The following GABBR2 variants were observed in gnomAD, a reference collection of about 807,000 sequenced individuals.
The protein encoded by GABBR2 is gamma-aminobutyric acid type B receptor subunit 2.
In GABBR2, 23 loss-of-function variants were observed where a neutral mutation model predicts 105.6. The observed-to-expected ratio is 0.22, with a 90% CI of 0.16 to 0.31. The LOEUF is 0.31. Among genes scored for constraint, GABBR2 ranks in the 10% least tolerant of loss-of-function variants. GABBR2 has a pLI of 1.00. For synonymous variants in GABBR2, 478 were observed against 499.7 expected, an observed-to-expected ratio of 0.96 and a Z score of 0.58; for missense variants, 734 against 1,245.5, an observed-to-expected ratio of 0.59 and a Z score of 6.18.
At chr9:98,556,964 A>C (rs978957087) in intron 2 of GABBR2, among the ~76,000 whole-genome samples, 25 of 152,212 alleles carry the variant, frequency 1.6e-4, no homozygotes, top group Non-Finnish European at 2.9e-5. Context: ...GAATTGCTTA[A>C]GCCTGGGAGG....
chr9:98,541,929 G>A lies in GABBR2; in HGVS notation c.574C>T (p.His192Tyr), dbSNP rs1288133373. Residue 192 changes from histidine to tyrosine, a missense_variant, in exon 3 of 19, where the codon CAC becomes TAC. His to Tyr is a moderately conservative substitution (Grantham distance 83). Transcript: ENST00000259455. ...VNPAILKLLK[H>Y]YQWKRVGTLT... ...GTGCCCACGCGCTTCCACTGGTAGT[G>A]CTTGAGCAACTTCAGAATGGCTGGA... is the stretch of plus-strand genomic sequence containing the variant. The A allele has an allele frequency of 1.9e-6, 3 of 1,614,062 alleles. No homozygotes were observed. Among genetic ancestry groups the A allele is most frequent in the Non-Finnish European group, 2.5e-6 (3 of 1,179,992 alleles).
Position 98,454,332 on chromosome 9 carries a change from T to C in GABBR2, c.1000-115A>G. 2.7e-6 allele frequency: 2 copies of C among 739,192 alleles called. No homozygotes were observed. The highest frequency in any genetic ancestry group is 2.4e-4 in the Middle Eastern group (1 of 4,128). The allele number at this position is 739,192 out of a possible 1,614,324, so 45.8% of individuals were successfully genotyped here. A position where few individuals can be genotyped will look rare whatever the true frequency, so the allele number is the denominator to read the frequency against. ...GCCCACAGGGTGCCAGGTACAGTGC[T>C]AGATTCTACGTGCATTATCTCATTT... On this transcript the variant is annotated intron_variant, in intron 6 of 18. Transcript: ENST00000259455. This position sits in a 1 kb window ranked among gnomAD's most constrained non-coding sequence, Gnocchi z 4.6.
At chr9:98,544,385 A>G (rs1468778890) in intron 2 of GABBR2, among the ~76,000 whole-genome samples, 1 of 152,198 alleles carries the variant, frequency 6.6e-6, no homozygotes, top group African/African-American at 2.4e-5. Context: ...AGCTGACCAC[A>G]CAACAGTAAT....
chr9:98,505,423 GGTGTGT>G (rs59702034), intron 3 of GABBR2, among the ~76,000 whole-genome samples: 36,515 of 148,336 alleles, frequency 0.25, 5,018 homozygotes, highest in Non-Finnish European at 0.31. Context: ...GCTGTATCCA[GGTGTGT>G]GTGTGTGTGT....
At chr9:98,418,877 C>T (rs1564060722) in intron 7 of GABBR2, among the ~76,000 whole-genome samples, 1 of 152,228 alleles carries the variant, frequency 6.6e-6, no homozygotes, top group Non-Finnish European at 1.5e-5. Context: ...TCCTCACCAC[C>T]CCCACCCATG....
chr9:98,665,819 A>G (rs2131856945), intron 1 of GABBR2, among the ~76,000 whole-genome samples: 1 of 152,356 alleles, frequency 6.6e-6, no homozygotes, highest in Admixed American at 6.5e-5. Flanking sequence ...CTGAGTTCCC[A>G]TATGACACCA....
At position 98,454,154 on chromosome 9, in the gene GABBR2, G is replaced by C. The variant is rs765462454; in HGVS notation, c.1063C>G (p.His355Asp). Residue 355 changes from histidine to aspartate, a missense_variant, in exon 7 of 19, where the codon CAC becomes GAC. Transcript: ENST00000259455. This position sits in a 1 kb window ranked among gnomAD's most constrained non-coding sequence, Gnocchi z 4.6. ...CAGATGCCATCGTAGGCGTACCCGT[G>C]GAACTTGCTGGGCCCCACGCCTGAC... is the stretch of plus-strand genomic sequence containing the variant. ...KRSGVGPSKFHGYAYDGIWVI... is the reference protein window; with the variant it reads ...KRSGVGPSKFDGYAYDGIWVI... 2 of 1,614,122 alleles carry C rather than the reference G, an allele frequency of 1.2e-6. No homozygotes were observed. Among genetic ancestry groups the C allele is most frequent in the Non-Finnish European group, 1.7e-6 (2 of 1,180,000 alleles).
At chr9:98,560,590 G>A (rs59391327) in intron 2 of GABBR2, among the ~76,000 whole-genome samples, 3,060 of 151,954 alleles carry the variant, frequency 0.02, 38 homozygotes, top group African/African-American at 0.026. Context: ...AGAATAGTAC[G>A]AGGAACATTG....
chr9:98,530,464 CTGAG>C (rs1828044388), intron 3 of GABBR2, among the ~76,000 whole-genome samples: 1 of 152,156 alleles, frequency 6.6e-6, no homozygotes, highest in African/African-American at 2.4e-5. Context: ...TTAATTCTCC[CTGAG>C]TGAGTCCGCT....
chr9:98,538,269 C>T (rs559826998), intron 3 of GABBR2, among the ~76,000 whole-genome samples: 1 of 152,322 alleles, frequency 6.6e-6, no homozygotes, highest in African/African-American at 2.4e-5. Context: ...AGGATGGGCT[C>T]AGAGATCAGC....
intron 3 of GABBR2, among the ~76,000 whole-genome samples, chr9:98,509,470 C>A (rs1827589216): frequency 6.6e-6 from 1 of 152,084 alleles, no homozygotes; most frequent in African/African-American, 2.4e-5. Context: ...TCAAACTACT[C>A]CGAGCTACAG....
chr9:98,374,955 T>C (rs565651668), intron 11 of GABBR2, among the ~76,000 whole-genome samples: 22 of 152,272 alleles, frequency 1.4e-4, no homozygotes, highest in Admixed American at 2.6e-4. Context: ...TGTAGAGAAC[T>C]GACCAACCAC....
chr9:98,607,027 T>C, intron 1 of GABBR2: 1 of 1,145,466 alleles, frequency 8.7e-7, no homozygotes, highest in Admixed American at 1.7e-5. Context: ...GAAGGCTATG[T>C]GGGATTTGCC....
At chr9:98,466,354 C>A (rs1302424059) in intron 6 of GABBR2, among the ~76,000 whole-genome samples, 5 of 152,212 alleles carry the variant, frequency 3.3e-5, no homozygotes, top group Non-Finnish European at 5.9e-5. Flanking sequence ...TTAACTGTAA[C>A]ACATAAAGGC....
chr9:98,428,042 A>C (rs1248601298), intron 7 of GABBR2, among the ~76,000 whole-genome samples: 2 of 152,228 alleles, frequency 1.3e-5, no homozygotes, highest in Non-Finnish European at 2.9e-5. Context: ...TGAGATAATA[A>C]ACATGTATTG....
chr9:98,324,287 T>C (rs1310516741), intron 13 of GABBR2, among the ~76,000 whole-genome samples: 1 of 152,292 alleles, frequency 6.6e-6, no homozygotes, highest in Non-Finnish European at 1.5e-5. Flanking sequence ...CAGTGTGTCC[T>C]TGGCTAAAGG....
chr9:98,298,617 GT>G (rs1021428423), intron 17 of GABBR2, among the ~76,000 whole-genome samples: 1 of 151,988 alleles, frequency 6.6e-6, no homozygotes, highest in African/African-American at 2.4e-5. Context: ...ATGGTTTGTG[GT>G]TTTTTTTAAA....
At chr9:98,383,732 G>GT (rs1194049917) in intron 11 of GABBR2, among the ~76,000 whole-genome samples, 3 of 152,202 alleles carry the variant, frequency 2.0e-5, no homozygotes, top group African/African-American at 7.2e-5. Context: ...TCGATGATGT[G>GT]TAACAGTCAG....
At chr9:98,448,500 G>A (rs1033357105) in intron 7 of GABBR2, among the ~76,000 whole-genome samples, 3 of 152,066 alleles carry the variant, frequency 2.0e-5, no homozygotes, top group East Asian at 1.9e-4. Flanking sequence ...GTAATCAGCC[G>A]CAACCTCCTG....
Sources: gnomAD v4.1 joint callset for allele counts (sites outside exome capture counted in the v4.1 genomes callset) on GRCh38, gnomAD v4.1.1 for gene constraint, Gnocchi (gnomAD v3.1) non-coding constraint, MANE v1.5 for transcripts, NCBI Gene and HGNC (gene_info 2026-07-23, HGNC 2026-07-21) for gene names.